Variants in ACER3 observed in about 807,000 individuals in gnomAD.
ACER3 encodes the protein alkaline ceramidase 3, also known as alkCDase 3.
In ACER3, 16 loss-of-function variants were observed where a neutral mutation model predicts 48.9. The observed-to-expected ratio is 0.33, with a 90% CI of 0.22 to 0.50. ACER3 has a LOEUF of 0.50. Among genes scored for constraint, ACER3 ranks in the 20% least tolerant of loss-of-function variants. The probability of loss-of-function intolerance (pLI) is 0.98; values close to 1 mark genes in which losing one functional copy is unlikely to be tolerated. For missense variants in ACER3, 227 were observed against 326.0 expected (o/e 0.70, Z 2.34); for synonymous variants, 109 against 107.8 (o/e 1.01, Z -0.07).
chr11:76,883,306 A>T (rs959299480), intron 1 of ACER3, among the ~76,000 whole-genome samples: 2 of 151,900 alleles, frequency 1.3e-5, no homozygotes, highest in South Asian at 4.1e-4. Flanking sequence ...CCTTTTTACT[A>T]TGTTCCATTT....
intron 2 of ACER3, among the ~76,000 whole-genome samples, chr11:76,927,270 G>A (rs1294114523): frequency 3.3e-5 from 5 of 152,066 alleles, no homozygotes; most frequent in Admixed American, 6.6e-5. Context: ...TGATCTTTGC[G>A]TCCCTATTGT....
intron 1 of ACER3, among the ~76,000 whole-genome samples, chr11:76,899,978 G>A (rs1204274530): frequency 6.6e-6 from 1 of 152,142 alleles, no homozygotes; most frequent in African/African-American, 2.4e-5. Context: ...TTTTGTGCAT[G>A]TATTATATAC....
At chr11:76,950,414 T>A (rs1178000237) in intron 2 of ACER3, among the ~76,000 whole-genome samples, 7 of 84,034 alleles carry the variant, frequency 8.3e-5, no homozygotes, top group Admixed American at 1.4e-4. Context: ...TATATATAAT[T>A]TACACATGTA....
At chr11:77,016,807 G>C (rs373617145) in intron 9 of ACER3, 28 bp downstream of exon 9, 4 of 1,246,644 alleles carry the variant, frequency 3.2e-6, no homozygotes, top group Non-Finnish European at 3.4e-6. Context: ...TTTTAGCCTC[G>C]TACTAGAGTT....
At position 76,872,469 on chromosome 11, in the gene ACER3, G is replaced by T. The variant is rs147516233; in HGVS notation, c.103+11390G>T. On this transcript the variant is annotated intron_variant, in intron 1 of 10. Coordinates refer to ENST00000532485, the MANE Select transcript of ACER3 (RefSeq NM_018367.7). ...ACTTTTTTAGACCCCAGTGAGTCCA[G>T]GGACTTTATGTTGGGAACTGGTGAT... Among the ~76,000 whole-genome samples the T allele has an allele frequency of 3.9e-5, 6 of 152,228 alleles. No individual in the cohort carries two copies. The East Asian group carries it at 1.2e-3, about 29-fold the overall frequency.
At chr11:76,939,126 G>C (rs60495644) in intron 2 of ACER3, among the ~76,000 whole-genome samples, 16,060 of 152,110 alleles carry the variant, frequency 0.11, 1,061 homozygotes, top group East Asian at 0.35. Flanking sequence ...AAACACAAAT[G>C]GGGTGAGAAG....
At chr11:76,946,600 G>T (rs1000520285) in intron 2 of ACER3, among the ~76,000 whole-genome samples, 1 of 152,188 alleles carries the variant, frequency 6.6e-6, no homozygotes, top group African/African-American at 2.4e-5. Flanking sequence ...AGAGGCTCTG[G>T]AGAGTGTGGT....
intron 1 of ACER3, among the ~76,000 whole-genome samples, chr11:76,883,957 GC>G (rs920149001): frequency 5.3e-5 from 8 of 152,042 alleles, no homozygotes; most frequent in African/African-American, 1.9e-4. Context: ...TTATTCTTTT[GC>G]TAGTTTTGCT....
intron 2 of ACER3, among the ~76,000 whole-genome samples, chr11:76,957,746 AGTTTTATTTTT>A (rs1250183653): frequency 6.6e-6 from 1 of 152,060 alleles, no homozygotes; most frequent in African/African-American, 2.4e-5. Context: ...CTGGGCCTGA[AGTTTTATTTTT>A]GTTGTATATA....
In ACER3 at chr11:77,024,271, T is replaced by TAAAAAAAAAAAAAAAAAAAAAAAA. The variant is rs1949516985; in HGVS notation, c.*3944_*3945insAAAAAAAAAAAAAAAAAAAAAAAA. On this transcript the variant is annotated 3_prime_UTR_variant, in exon 11 of 11. Coordinates refer to ENST00000532485, the MANE Select transcript of ACER3 (RefSeq NM_018367.7). ...CTGGGCAACAGAGTGAGACCCTGTC[T>TAAAAAAAAAAAAAAAAAAAAAAAA]CAAAAAAAAAAAAAAAAAAAAAAAA... 1 of 15,380 alleles carries TAAAAAAAAAAAAAAAAAAAAAAAA rather than the reference T, an allele frequency of 6.5e-5. No homozygotes were observed. Among genetic ancestry groups the TAAAAAAAAAAAAAAAAAAAAAAAA allele is most frequent in the Non-Finnish European group, 2.4e-4 (1 of 4,096 alleles). The allele number at this position is 15,380 out of a possible 1,614,324, so 1.0% of individuals were successfully genotyped here.
intron 2 of ACER3, among the ~76,000 whole-genome samples, chr11:76,948,000 C>T (rs527994359): frequency 2.0e-5 from 3 of 152,242 alleles, no homozygotes; most frequent in East Asian, 1.9e-4. Flanking sequence ...TTGCCTAAGG[C>T]GGAAAGCAGG....
chr11:76,984,018 G>C (rs1448275410), intron 4 of ACER3, among the ~76,000 whole-genome samples: 1 of 151,858 alleles, frequency 6.6e-6, no homozygotes, highest in Admixed American at 6.6e-5. Flanking sequence ...TCGAACTCCT[G>C]ACCTTGTGAT....
chr11:76,890,059 A>AT (rs1355185965), intron 1 of ACER3, among the ~76,000 whole-genome samples: 6 of 151,402 alleles, frequency 4.0e-5, no homozygotes, highest in Non-Finnish European at 7.4e-5. Flanking sequence ...TATTCTTGTG[A>AT]TTTTTTACCA....
At chr11:76,910,690 A>T (rs1946356198) in intron 1 of ACER3, among the ~76,000 whole-genome samples, 2 of 152,216 alleles carry the variant, frequency 1.3e-5, no homozygotes, top group Admixed American at 1.3e-4. Context: ...TAAATTAAAA[A>T]GTAATAATAT....
intron 3 of ACER3, among the ~76,000 whole-genome samples, chr11:76,975,972 C>G (rs1281439570): frequency 1.4e-5 from 2 of 146,120 alleles, no homozygotes; most frequent in Non-Finnish European, 3.0e-5. Flanking sequence ...CTCGACCTCT[C>G]AGGCTCAAGC....
Position 76,885,604 on chromosome 11 carries a change from G to A in ACER3, c.103+24525G>A, listed in dbSNP as rs145311096. Reference sequence around the variant, plus strand: ...TTATTCCTTCCTGCAGGAAGGAACAGGCAAGGCATTATGAGTCAGCTTAGG... The same window carrying A: ...TTATTCCTTCCTGCAGGAAGGAACAAGCAAGGCATTATGAGTCAGCTTAGG... On this transcript the variant is annotated intron_variant, in intron 1 of 10. Coordinates refer to ENST00000532485, the MANE Select transcript of ACER3 (RefSeq NM_018367.7). 9.2e-3 allele frequency among the ~76,000 whole-genome samples: 1,396 copies of A among 152,226 alleles called. 25 individuals are homozygous for A. The highest frequency in any genetic ancestry group is 0.032 in the African/African-American group (1,337 of 41,532).
chr11:76,889,835 G>T (rs1945762570), intron 1 of ACER3, among the ~76,000 whole-genome samples: 1 of 149,454 alleles, frequency 6.7e-6, no homozygotes. Flanking sequence ...TCATTTCTAG[G>T]GGTATTGTTT....
At chr11:76,956,006 C>T (rs1283556342) in intron 2 of ACER3, among the ~76,000 whole-genome samples, 10 of 152,126 alleles carry the variant, frequency 6.6e-5, no homozygotes, top group Admixed American at 6.5e-4. Flanking sequence ...CAAATCTGTA[C>T]AGACAAAGTA....
rs1221195977 is a variant in ACER3, at chr11:76,926,677, A to G, written c.214+10A>G. 6.6e-7 allele frequency: 1 copy of G among 1,514,380 alleles called. No individual in the cohort carries two copies. 93.8% of individuals were successfully genotyped at this position (1,514,380 alleles called of 1,614,324 possible). On this transcript the variant is annotated intron_variant, in intron 2 of 10. Coordinates refer to ENST00000532485, the MANE Select transcript of ACER3 (RefSeq NM_018367.7). ...TATTTAGCACTCACAGGTATGTATA[A>G]CACTGTATCTGAAGAAATGTACAGT...
Sources: allele counts gnomAD v4.1 joint callset (sites outside exome capture counted in the v4.1 genomes callset), GRCh38; gene constraint gnomAD v4.1.1; transcripts MANE v1.5; gene names NCBI Gene and HGNC (gene_info 2026-07-23, HGNC 2026-07-21).